Variants in MYO18B observed in about 807,000 individuals in gnomAD.
MYO18B encodes myosin XVIIIB.
In MYO18B, 204 loss-of-function variants were observed where a neutral mutation model predicts 273.0. The observed-to-expected ratio is 0.75, with a 90% confidence interval of 0.67 to 0.84. The LOEUF (loss-of-function observed/expected upper bound fraction) is 0.84. Ranked by LOEUF, MYO18B falls within the 40% of genes least tolerant of loss-of-function variation. MYO18B has a pLI of 0.00. For missense variants in MYO18B, 3,212 were observed against 3,287.6 expected, an observed-to-expected ratio of 0.98 and a Z score of 0.56; for synonymous variants, 1,330 against 1,305.7, an observed-to-expected ratio of 1.02 and a Z score of -0.40.
chr22:25,770,742 C>T, intron 5 of MYO18B, 130 bp from the exon 6 acceptor site: 1 of 651,458 alleles, frequency 1.5e-6, no homozygotes, highest in Non-Finnish European at 2.7e-6. Context: ...AAATGGAGAC[C>T]TGTCCCAAGC....
Position 26,026,828 on chromosome 22 carries a change from G to A in MYO18B, c.6854G>A (p.Gly2285Glu), listed in dbSNP as rs200858786. 1.8e-4 allele frequency: 279 copies of A among 1,593,730 alleles called. No individual in the cohort carries two copies. In the African/African-American group the frequency reaches 3.5e-3, roughly 20 times the overall value. Residue 2285 changes from glycine (G) to glutamate (E), a missense_variant, in exon 43 of 44, where the codon GGG (glycine) becomes GAG (glutamate). Transcript: ENST00000335473. ...WPTLPIYQTT[G>E]ASTLRRGRAG... The stretch of plus-strand genomic sequence containing the variant: ...ACTCTCCCCATTTACCAGACGACTG[G>A]GGCCTCCACACTAAGGAGGGGCAGG...
intron 21 of MYO18B, among the ~76,000 whole-genome samples, chr22:25,864,995 T>G (rs2090845388): frequency 6.6e-6 from 1 of 152,228 alleles, no homozygotes; most frequent in South Asian, 2.1e-4. Context: ...TGGACAATGA[T>G]TATGTTATGT....
chr22:25,969,159 C>A (rs1405533196), intron 39 of MYO18B, among the ~76,000 whole-genome samples: 2 of 152,166 alleles, frequency 1.3e-5, no homozygotes, highest in African/African-American at 2.4e-5. Flanking sequence ...CTATAGCTAC[C>A]CCACAACTGG....
rs1174898459 is a variant in MYO18B at position 25,778,075 on chromosome 22, A to C, written c.2068+294A>C. Among the ~76,000 whole-genome samples, 3 of 152,112 alleles carry C rather than the reference A, an allele frequency of 2.0e-5. No homozygotes were observed. The East Asian group carries it at 5.8e-4, about 29-fold the overall frequency. ...CTGCCATCTGCTGGGAAATCGTCCTAATAGACGTACACAAATCTAGGAGAG... is the reference window on the plus strand; with the variant it reads ...CTGCCATCTGCTGGGAAATCGTCCTCATAGACGTACACAAATCTAGGAGAG... On this transcript the variant is annotated intron_variant, in intron 8 of 43. Coordinates refer to ENST00000335473, the MANE Select transcript of MYO18B (RefSeq NM_032608.7).
chr22:25,956,535 T>G (rs537597758), intron 39 of MYO18B, among the ~76,000 whole-genome samples: 7 of 152,232 alleles, frequency 4.6e-5, no homozygotes, highest in African/African-American at 1.7e-4. Context: ...ATTTTAAAAT[T>G]TGTTTCTTGC....
chr22:25,916,888 C>T (rs547280689), intron 33 of MYO18B, among the ~76,000 whole-genome samples: 17 of 152,102 alleles, frequency 1.1e-4, no homozygotes, highest in East Asian at 3.9e-4. Flanking sequence ...AAAAATTGGC[C>T]GGGTGTTGTG....
At chr22:25,751,725 T>A (rs1270865696) in intron 1 of MYO18B, among the ~76,000 whole-genome samples, 2 of 152,218 alleles carry the variant, frequency 1.3e-5, no homozygotes, top group Admixed American at 1.3e-4. Flanking sequence ...TATAATGAAA[T>A]TCCAGGTCCA....
At chr22:25,947,376 T>C (rs1427455835) in intron 35 of MYO18B, among the ~76,000 whole-genome samples, 1 of 151,986 alleles carries the variant, frequency 6.6e-6, no homozygotes, top group Non-Finnish European at 1.5e-5. Flanking sequence ...CATTTTCATA[T>C]ATGTACTAGG....
At chr22:25,895,391 C>A in intron 28 of MYO18B, 111 bp downstream of exon 28, 1 of 1,309,618 alleles carries the variant, frequency 7.6e-7, no homozygotes, top group Non-Finnish European at 1.0e-6. Flanking sequence ...AGGAAGAGGA[C>A]ACAAACCCCT....
intron 1 of MYO18B, among the ~76,000 whole-genome samples, chr22:25,753,836 T>C (rs2086023761): frequency 1.3e-5 from 2 of 152,220 alleles, no homozygotes; most frequent in South Asian, 4.1e-4. Context: ...AAACTCTGGA[T>C]ATACCGTCTT....
intron 1 of MYO18B, among the ~76,000 whole-genome samples, chr22:25,750,803 C>A (rs2085909522): frequency 6.6e-6 from 1 of 152,198 alleles, no homozygotes; most frequent in African/African-American, 2.4e-5. Context: ...TTGGCTGGCA[C>A]CCTCAGGCAT....
At chr22:25,970,049 T>A (rs1368413946) in intron 39 of MYO18B, among the ~76,000 whole-genome samples, 1 of 151,924 alleles carries the variant, frequency 6.6e-6, no homozygotes, top group Non-Finnish European at 1.5e-5. Context: ...CCTCCATTGT[T>A]ACCACAACCA....
At chr22:26,059,313 A>T in the MYO18B span, among the ~76,000 whole-genome samples, 1 of 152,216 alleles carries the variant, frequency 6.6e-6, no homozygotes, top group Non-Finnish European at 1.5e-5. Flanking sequence ...CAAAAGAACT[A>T]AAGGAAGAGG....
chr22:26,013,386 A>G (rs1935064876), intron 42 of MYO18B, among the ~76,000 whole-genome samples: 1 of 152,232 alleles, frequency 6.6e-6, no homozygotes, highest in South Asian at 2.1e-4. Context: ...CTGAGAAACC[A>G]CAGTCAATAA....
chr22:25,915,222 A>C (rs578011909), intron 33 of MYO18B, among the ~76,000 whole-genome samples: 8 of 152,280 alleles, frequency 5.3e-5, no homozygotes, highest in Admixed American at 3.9e-4. Context: ...GTCTTTGATA[A>C]TTACAGTGAT....
At chr22:25,921,128 G>A (rs1198334052) in intron 33 of MYO18B, 129 bp from the exon 34 acceptor site, 1 of 883,638 alleles carries the variant, frequency 1.1e-6, no homozygotes, top group African/African-American at 1.7e-5. Flanking sequence ...AGAGGAGAAT[G>A]GTCTTGTCCA....
At chr22:25,999,642 T>TCTCCTCCTTCTCCTC (rs1555986294) in intron 40 of MYO18B, among the ~76,000 whole-genome samples, 1 of 79,912 alleles carries the variant, frequency 1.3e-5, no homozygotes, top group African/African-American at 6.8e-5. Flanking sequence ...CCTCCTCCTT[T>TCTCCTCCTTCTCCTC]CTCCTCCTTC....
chr22:25,976,024 C>G (rs1006966095), intron 39 of MYO18B, among the ~76,000 whole-genome samples: 1 of 152,294 alleles, frequency 6.6e-6, no homozygotes, highest in African/African-American at 2.4e-5. Context: ...ATGCCTGTAG[C>G]TTGACCCTCA....
chr22:25,829,176 C>T (rs1476647660), intron 15 of MYO18B, among the ~76,000 whole-genome samples: 3 of 152,222 alleles, frequency 2.0e-5, no homozygotes, highest in African/African-American at 4.8e-5. Flanking sequence ...TTCTGAACCC[C>T]GCAGCCCAGA....
Sources: gnomAD v4.1 joint callset for allele counts (sites outside exome capture counted in the v4.1 genomes callset) on GRCh38, gnomAD v4.1.1 for gene constraint, MANE v1.5 for transcripts, NCBI Gene and HGNC (gene_info 2026-07-23, HGNC 2026-07-21) for gene names.